Variants in PALM2AKAP2 observed in about 807,000 individuals in gnomAD.
The protein encoded by PALM2AKAP2 is PALM2-AKAP2 fusion protein.
PALM2AKAP2 carries 37 observed loss-of-function variants against 71.5 expected under a neutral mutation model. The observed-to-expected ratio is 0.52, with a 90% CI of 0.40 to 0.68. The LOEUF (loss-of-function observed/expected upper bound fraction) is 0.68. Ranked by LOEUF, PALM2AKAP2 falls within the 30% of genes least tolerant of loss-of-function variation. The pLI is 0.00. For synonymous variants in PALM2AKAP2, 468 were observed against 478.8 expected, an observed-to-expected ratio of 0.98 and a Z score of 0.29; for missense variants, 1,224 against 1,191.8, an observed-to-expected ratio of 1.03 and a Z score of -0.40.
intron 1 of PALM2AKAP2, among the ~76,000 whole-genome samples, chr9:109,656,241 G>A (rs888223657): frequency 6.6e-6 from 1 of 152,228 alleles, no homozygotes; most frequent in African/African-American, 2.4e-5. Flanking sequence ...CCATGGTGGT[G>A]GAAGGGGCTC....
intron 1 of PALM2AKAP2, among the ~76,000 whole-genome samples, chr9:109,766,618 G>A (rs1829158908): frequency 6.6e-6 from 1 of 152,196 alleles, no homozygotes; most frequent in South Asian, 2.1e-4. Context: ...TCATCCTTTT[G>A]CTGCATGTTG....
chr9:110,111,089 T>C lies in PALM2AKAP2; in HGVS notation c.157-25038T>C, dbSNP rs866934082. ...TTTTTTCTTTTCTTTCTTTCTTCTT[T>C]TTTTTTTTTTTTTTTTTTTTGAGAC... On this transcript the variant is annotated intron_variant, in intron 1 of 3. Coordinates refer to ENST00000374525, the Ensembl canonical transcript of PALM2AKAP2. Among the ~76,000 whole-genome samples, 33 of 123,188 alleles carry C rather than the reference T, an allele frequency of 2.7e-4. No individual in the cohort carries two copies. In the East Asian group the frequency reaches 5.2e-3, roughly 19 times the overall value. The allele number at this position is 123,188 out of a possible 152,430, so 80.8% of individuals were successfully genotyped here.
intron 1 of PALM2AKAP2, among the ~76,000 whole-genome samples, chr9:109,646,809 T>C (rs1827162806): frequency 6.6e-6 from 1 of 152,100 alleles, no homozygotes; most frequent in Non-Finnish European, 1.5e-5. Flanking sequence ...ACTTTGTGAG[T>C]TTGAACTATT....
At chr9:110,127,763 C>T (rs1202447611) in intron 1 of PALM2AKAP2, 1 of 152,258 alleles carries the variant, frequency 6.6e-6, no homozygotes, top group African/African-American at 2.4e-5. Context: ...ACCGCGCTTT[C>T]TTCAATTCTT....
intron 3 of PALM2AKAP2, 119 bp from the exon 4 acceptor site, chr9:109,923,616 C>T (rs549928952): frequency 1.5e-5 from 16 of 1,079,974 alleles, no homozygotes; most frequent in Admixed American, 6.2e-5. Flanking sequence ...GGCTCCTCAG[C>T]GTAATGTAAA....
At chr9:109,771,105 T>C (rs2052335210) in intron 1 of PALM2AKAP2, among the ~76,000 whole-genome samples, 1 of 152,236 alleles carries the variant, frequency 6.6e-6, no homozygotes, top group African/African-American at 2.4e-5. Flanking sequence ...GGGACACCAA[T>C]TAATCTGACA....
intron 1 of PALM2AKAP2, among the ~76,000 whole-genome samples, chr9:110,070,220 C>A (rs906929388): frequency 2.0e-5 from 3 of 152,170 alleles, no homozygotes; most frequent in African/African-American, 7.2e-5. Context: ...ATTCTGCACT[C>A]AAAGAAATGC....
At chr9:109,987,243 G>A (rs940600978) in intron 6 of PALM2AKAP2, among the ~76,000 whole-genome samples, 1 of 152,060 alleles carries the variant, frequency 6.6e-6, no homozygotes, top group South Asian at 2.1e-4. Flanking sequence ...TGACTCTTCT[G>A]CCTCAGCCTC....
At chr9:110,047,215 G>A (rs558176150), upstream of PALM2AKAP2, among the ~76,000 whole-genome samples, 1 of 152,304 alleles carries the variant, frequency 6.6e-6, no homozygotes, top group South Asian at 2.1e-4. Flanking sequence ...AAAAAGGATC[G>A]TGAAACCATT....
intron 1 of PALM2AKAP2, among the ~76,000 whole-genome samples, chr9:109,768,086 A>T (rs1829191720): frequency 7.0e-6 from 1 of 141,872 alleles, no homozygotes; most frequent in African/African-American, 2.8e-5. Context: ...GAAGGGAGGG[A>T]AGACAGGCAG....
In PALM2AKAP2 at chr9:109,726,584, G is replaced by A. The variant is rs552833772; in HGVS notation, c.6-53904G>A. On this transcript the variant is annotated intron_variant, in intron 1 of 6. Coordinates refer to the PALM2AKAP2 transcript ENST00000374531. ...TTAAATTAAATGTTTGCTTTCCATTGTTTTCAACTAAGAATCCTCACTAAT... is the reference window on the plus strand; with the variant it reads ...TTAAATTAAATGTTTGCTTTCCATTATTTTCAACTAAGAATCCTCACTAAT... Among the ~76,000 whole-genome samples the A allele has an allele frequency of 2.0e-5, 3 of 152,246 alleles. No individual in the cohort carries two copies. In the East Asian group the frequency reaches 5.8e-4, roughly 29 times the overall value.
intron 3 of PALM2AKAP2, among the ~76,000 whole-genome samples, chr9:109,921,922 A>G (rs1830840249): frequency 6.6e-6 from 1 of 152,210 alleles, no homozygotes; most frequent in Non-Finnish European, 1.5e-5. Flanking sequence ...CATAACCCAA[A>G]GTAATTGCTG....
chr9:109,851,206 C>A (rs1478304380), intron 1 of PALM2AKAP2, among the ~76,000 whole-genome samples: 725 of 52,820 alleles, frequency 0.014, 4 homozygotes, highest in South Asian at 0.029. Context: ...ACAACAACAA[C>A]AACAAAAAAA....
intron 1 of PALM2AKAP2, among the ~76,000 whole-genome samples, chr9:109,815,820 C>T (rs1262552532): frequency 6.6e-6 from 1 of 152,014 alleles, no homozygotes; most frequent in Non-Finnish European, 1.5e-5. Context: ...CTAGAGAGGG[C>T]ATAGGATTTG....
chr9:110,155,976 C>A (rs1836444725), intron 2 of PALM2AKAP2, among the ~76,000 whole-genome samples: 1 of 152,166 alleles, frequency 6.6e-6, no homozygotes, highest in Non-Finnish European at 1.5e-5. Flanking sequence ...CAAGGTGCCA[C>A]CACCTCTGAC....
At chr9:110,042,787 T>A (rs1282975973) in intron 7 of PALM2AKAP2, among the ~76,000 whole-genome samples, 6 of 152,330 alleles carry the variant, frequency 3.9e-5, no homozygotes, top group Admixed American at 1.3e-4. Flanking sequence ...ATTATTTTTT[T>A]AAAATTCTTT....
intron 1 of PALM2AKAP2, among the ~76,000 whole-genome samples, chr9:110,055,912 A>T (rs539807169): frequency 6.6e-6 from 1 of 152,284 alleles, no homozygotes; most frequent in South Asian, 2.1e-4. Flanking sequence ...AAGAGAGAGG[A>T]TTCCTCAGGT....
chr9:109,755,927 C>T (rs1043089231), intron 1 of PALM2AKAP2, among the ~76,000 whole-genome samples: 1 of 152,108 alleles, frequency 6.6e-6, no homozygotes, highest in Non-Finnish European at 1.5e-5. Context: ...TCTTTTATCA[C>T]AGAGATGTAC....
chr9:109,860,777 TA>T (rs1425610882), intron 1 of PALM2AKAP2, among the ~76,000 whole-genome samples: 2 of 152,208 alleles, frequency 1.3e-5, no homozygotes, highest in Non-Finnish European at 2.9e-5. Flanking sequence ...TGCAACTATA[TA>T]AAACAGTCTG....
Sources: allele counts gnomAD v4.1 joint callset (sites outside exome capture counted in the v4.1 genomes callset), GRCh38; gene constraint gnomAD v4.1.1; transcripts MANE v1.5; gene names NCBI Gene and HGNC (gene_info 2026-07-23, HGNC 2026-07-21).